ARID4B: variants seen among roughly 807,000 people sequenced by gnomAD.
ARID4B encodes AT-rich interaction domain 4B, also known as AT-rich interactive domain-containing protein 4B.
Under a neutral mutation model 147.5 loss-of-function variants are expected in ARID4B, and 26 were observed. That is an observed-to-expected ratio of 0.18 (90% CI 0.13 to 0.24). ARID4B has a LOEUF of 0.24. Among genes scored for constraint, ARID4B ranks in the 10% least tolerant of loss-of-function variants. The pLI, the probability that ARID4B is intolerant of heterozygous loss-of-function variation, is 1.00. For missense variants in ARID4B, 1,179 were observed against 1,511.5 expected (o/e 0.78, Z 3.65); for synonymous variants, 512 against 507.9 (o/e 1.01, Z -0.11).
At chr1:235,321,756 C>T (rs2103308709) in intron 2 of ARID4B, among the ~76,000 whole-genome samples, 1 of 152,288 alleles carries the variant, frequency 6.6e-6, no homozygotes, top group Admixed American at 6.5e-5. Context: ...ACCTCAGCCT[C>T]CCAAAGTGCT....
chr1:235,199,075 G>A (rs1048295733), intron 17 of ARID4B, among the ~76,000 whole-genome samples: 1 of 151,996 alleles, frequency 6.6e-6, no homozygotes, highest in Admixed American at 6.6e-5. Flanking sequence ...CTCCAGCCTG[G>A]GTGACAGAAC....
Position 235,240,442 on chromosome 1 carries a change from T to C in ARID4B, c.456A>G (p.Glu152=). 6.2e-7 allele frequency: 1 copy of C among 1,613,252 alleles called. No individual in the cohort carries two copies. Among genetic ancestry groups the C allele is most frequent in the East Asian group, 2.2e-5 (1 of 44,764 alleles). The change falls in exon 8 of 24, where the codon GAA becomes GAG. Residue 152 remains glutamate, a synonymous_variant. Coordinates refer to ENST00000264183, the MANE Select transcript of ARID4B (RefSeq NM_016374.6). Reference sequence around the variant, plus strand: ...CATCACTGGAGGATGATGAAGACTCTTCCTCTGGTCTAGGGAGAGAAAAAA... The same window carrying C: ...CATCACTGGAGGATGATGAAGACTCCTCCTCTGGTCTAGGGAGAGAAAAAA... ...RGRRSNHIPE[E]ESSSSSSDED...
chr1:235,209,982 C>T (rs1420857337), intron 17 of ARID4B, among the ~76,000 whole-genome samples: 1 of 152,094 alleles, frequency 6.6e-6, no homozygotes, highest in African/African-American at 2.4e-5. Context: ...AATCCCAGCA[C>T]TTTTGGAAGC....
intron 2 of ARID4B, among the ~76,000 whole-genome samples, chr1:235,293,316 T>TA (rs1029421273): frequency 6.6e-6 from 1 of 152,166 alleles, no homozygotes. Flanking sequence ...CTTCTACAAG[T>TA]AAAAAAATTT....
rs1571928769 is a variant in ARID4B, at chr1:235,189,224, C to A, written c.2125+4789G>T. Among the ~76,000 whole-genome samples the A allele has an allele frequency of 2.6e-5, 4 of 151,676 alleles. No homozygotes were observed. The East Asian group carries it at 5.8e-4, about 22-fold the overall frequency. On this transcript the variant is annotated intron_variant, in intron 19 of 23. Coordinates refer to ENST00000264183, the MANE Select transcript of ARID4B (RefSeq NM_016374.6). Reference sequence around the variant, plus strand: ...GACCAGCCTGGCCAAGATGGTGAAACCCCATCTCTACTAAAAATACAAAAA... The same window carrying A: ...GACCAGCCTGGCCAAGATGGTGAAAACCCATCTCTACTAAAAATACAAAAA...
intron 19 of ARID4B, among the ~76,000 whole-genome samples, chr1:235,192,832 G>A (rs768953314): frequency 6.6e-6 from 1 of 152,134 alleles, no homozygotes; most frequent in African/African-American, 2.4e-5. Flanking sequence ...CAGGCCAGGC[G>A]CGGTGGCTCA....
intron 2 of ARID4B, among the ~76,000 whole-genome samples, chr1:235,309,123 C>G (rs1322555888): frequency 6.7e-6 from 1 of 149,400 alleles, no homozygotes. Context: ...ACCTCTGCCC[C>G]GCCGCCCCGT....
chr1:235,236,833 AAT>A (rs1553299956), intron 8 of ARID4B, among the ~76,000 whole-genome samples: 734 of 33,476 alleles, frequency 0.022, 15 homozygotes, highest in Middle Eastern at 0.033. Context: ...TTTTATAAAA[AAT>A]ATATATATAT....
intron 17 of ARID4B, among the ~76,000 whole-genome samples, chr1:235,208,845 T>C (rs975839909): frequency 1.3e-5 from 2 of 152,184 alleles, no homozygotes; most frequent in African/African-American, 4.8e-5. Flanking sequence ...CTTTCTACTT[T>C]TATGTATTTT....
At chr1:235,203,419 A>G (rs1206521091) in intron 17 of ARID4B, among the ~76,000 whole-genome samples, 1 of 152,212 alleles carries the variant, frequency 6.6e-6, no homozygotes, top group Non-Finnish European at 1.5e-5. Flanking sequence ...GCACAGTCTT[A>G]AGAGATTTAA....
intron 2 of ARID4B, among the ~76,000 whole-genome samples, chr1:235,295,458 C>CGA (rs1286440152): frequency 6.7e-6 from 1 of 149,390 alleles, no homozygotes; most frequent in Non-Finnish European, 1.5e-5. Flanking sequence ...TGTAGTGAGC[C>CGA]GAGATCATGC....
At chr1:235,227,856 G>A (rs1667929486) in intron 11 of ARID4B, among the ~76,000 whole-genome samples, 1 of 139,066 alleles carries the variant, frequency 7.2e-6, no homozygotes, top group African/African-American at 2.7e-5. Context: ...TTTTTGAGAC[G>A]GGGTCTCCTA....
chr1:235,170,303 C>T (rs1318762798), intron 23 of ARID4B, among the ~76,000 whole-genome samples: 1 of 152,152 alleles, frequency 6.6e-6, no homozygotes, highest in Non-Finnish European at 1.5e-5. Context: ...TCTACAGAGA[C>T]CACATGGCCC....
chr1:235,298,146 T>C (rs1672876333), intron 2 of ARID4B, among the ~76,000 whole-genome samples: 1 of 152,094 alleles, frequency 6.6e-6, no homozygotes, highest in Non-Finnish European at 1.5e-5. Context: ...AAATGCTACA[T>C]GGTGAGGGAG....
At chr1:235,300,972 C>T (rs1268498354) in intron 2 of ARID4B, among the ~76,000 whole-genome samples, 5 of 151,910 alleles carry the variant, frequency 3.3e-5, no homozygotes, top group Admixed American at 3.3e-4. Context: ...GCCTCGGCCT[C>T]CCAGAGTGCT....
chr1:235,191,081 T>C (rs1665067226), intron 19 of ARID4B, among the ~76,000 whole-genome samples: 2 of 152,124 alleles, frequency 1.3e-5, no homozygotes, highest in Non-Finnish European at 1.5e-5. Flanking sequence ...TGCCACTACC[T>C]AGATCAGCTA....
intron 2 of ARID4B, among the ~76,000 whole-genome samples, chr1:235,306,426 A>G (rs59995294): frequency 0.04 from 6,005 of 151,404 alleles, 440 homozygotes; most frequent in African/African-American, 0.14. Context: ...TCACTTGAAC[A>G]TGGAAGGCAG....
intron 6 of ARID4B, among the ~76,000 whole-genome samples, chr1:235,248,022 AACTGTCC>A (rs1669411150): frequency 6.6e-6 from 1 of 152,058 alleles, no homozygotes; most frequent in Non-Finnish European, 1.5e-5. Flanking sequence ...TGGAGGCAAA[AACTGTCC>A]TAAACTCAGT....
intron 8 of ARID4B, 84 bp from the exon 9 acceptor site, chr1:235,234,576 T>A: frequency 2.0e-6 from 2 of 994,414 alleles, no homozygotes; most frequent in Non-Finnish European, 3.0e-6. Flanking sequence ...TTTTAAAAAG[T>A]GTAAGCTTGA....
Sources: gnomAD v4.1 joint callset for allele counts (sites outside exome capture counted in the v4.1 genomes callset) on GRCh38, gnomAD v4.1.1 for gene constraint, MANE v1.5 for transcripts, NCBI Gene and HGNC (gene_info 2026-07-23, HGNC 2026-07-21) for gene names.